TCF7L2: variants seen among roughly 807,000 people sequenced by gnomAD.
TCF7L2 encodes transcription factor 7 like 2.
A neutral mutation model predicts 77.9 loss-of-function variants in TCF7L2; 23 were observed. The observed-to-expected ratio is 0.30, with a 90% CI of 0.21 to 0.42. TCF7L2 has a LOEUF of 0.42. TCF7L2 is among the 10% of genes least tolerant of loss of function. TCF7L2 has a pLI of 1.00. For missense variants in TCF7L2, 654 were observed against 793.1 expected, an observed-to-expected ratio of 0.82 and a Z score of 2.11; for synonymous variants, 413 against 340.2, an observed-to-expected ratio of 1.21 and a Z score of -2.36.
At chr10:112,993,545 T>A (rs2042963750) in intron 4 of TCF7L2, among the ~76,000 whole-genome samples, 1 of 152,144 alleles carries the variant, frequency 6.6e-6, no homozygotes, top group Admixed American at 6.5e-5. Context: ...TGCCATGGGC[T>A]GTCTCCTGCT....
chr10:112,965,779 C>T (rs920375002), intron 4 of TCF7L2, among the ~76,000 whole-genome samples: 4 of 151,936 alleles, frequency 2.6e-5, no homozygotes, highest in Admixed American at 6.6e-5. Context: ...CCCAGGTAAA[C>T]GGAATTATTC....
At chr10:113,160,016 C>A (rs756174327) in intron 12 of TCF7L2, 24 bp downstream of exon 14, 3 of 1,610,960 alleles carry the variant, frequency 1.9e-6, no homozygotes, top group Admixed American at 1.7e-5. Flanking sequence ...TCCAGATTCG[C>A]TGTGCTGGTT....
chr10:113,036,122 CAT>C (rs768667068), intron 4 of TCF7L2, among the ~76,000 whole-genome samples: 24 of 36,064 alleles, frequency 6.7e-4, no homozygotes, highest in Admixed American at 1.0e-3. Context: ...TCACCATCAT[CAT>C]CATCATCATC....
chr10:113,131,276 C>A (rs1160051126), intron 5 of TCF7L2, among the ~76,000 whole-genome samples: 1 of 152,146 alleles, frequency 6.6e-6, no homozygotes, highest in Non-Finnish European at 1.5e-5. Flanking sequence ...GAATTAAATT[C>A]TGTGTGTCAA....
intron 4 of TCF7L2, among the ~76,000 whole-genome samples, chr10:112,992,676 TG>T (rs1215584751): frequency 6.6e-6 from 1 of 152,138 alleles, no homozygotes; most frequent in African/African-American, 2.4e-5. Flanking sequence ...GCTTTGGTTC[TG>T]GCCCCTGGAA....
chr10:113,137,519 G>A (rs1045027415), intron 5 of TCF7L2, among the ~76,000 whole-genome samples: 4 of 152,140 alleles, frequency 2.6e-5, no homozygotes, highest in Non-Finnish European at 4.4e-5. Flanking sequence ...ATGAAAACTC[G>A]GGTCTTCCTT....
chr10:113,090,351 A>C (rs1350420652), intron 5 of TCF7L2, among the ~76,000 whole-genome samples: 2 of 152,244 alleles, frequency 1.3e-5, no homozygotes, highest in African/African-American at 4.8e-5. Flanking sequence ...CTCTGTCTTT[A>C]AAAACATTTA....
chr10:113,149,301 A>G (rs996118134), intron 8 of TCF7L2, among the ~76,000 whole-genome samples: 4 of 152,190 alleles, frequency 2.6e-5, no homozygotes, highest in African/African-American at 9.7e-5. Context: ...TTGTTTCCTT[A>G]CATTTTCCTT....
intron 5 of TCF7L2, among the ~76,000 whole-genome samples, chr10:113,113,966 T>C (rs977756322): frequency 6.6e-6 from 1 of 152,222 alleles, no homozygotes; most frequent in African/African-American, 2.4e-5. Context: ...TGGGTTTCGT[T>C]GGACTATCAG....
At chr10:113,084,498 C>A (rs12571590) in intron 5 of TCF7L2, among the ~76,000 whole-genome samples, 1 of 152,160 alleles carries the variant, frequency 6.6e-6, no homozygotes, top group Non-Finnish European at 1.5e-5. Flanking sequence ...GAGGACCATC[C>A]GCCTTACTCA....
chr10:112,988,345 C>T (rs543983662), intron 4 of TCF7L2, among the ~76,000 whole-genome samples: 236 of 152,290 alleles, frequency 1.5e-3, no homozygotes, highest in Non-Finnish European at 2.4e-3. Context: ...GTGATCCACC[C>T]GCCTTAGCCT....
intron 5 of TCF7L2, among the ~76,000 whole-genome samples, chr10:113,051,224 C>CAT (rs1405051142): frequency 6.8e-6 from 1 of 146,754 alleles, no homozygotes; most frequent in Non-Finnish European, 1.5e-5. Context: ...CACACACACA[C>CAT]ACACACACAC....
chr10:113,156,751 G>A (rs576127620), intron 11 of TCF7L2, among the ~76,000 whole-genome samples: 1 of 152,186 alleles, frequency 6.6e-6, no homozygotes. Flanking sequence ...TCCTTGGAGG[G>A]CTGGGCATTA....
chr10:113,001,702 A>G (rs2133358670), intron 4 of TCF7L2, among the ~76,000 whole-genome samples: 1 of 152,170 alleles, frequency 6.6e-6, no homozygotes, highest in East Asian at 1.9e-4. Context: ...CAGCAAACCA[A>G]ACCAACTCAC....
intron 5 of TCF7L2, among the ~76,000 whole-genome samples, chr10:113,051,219 A>ACACG (rs1396964593): frequency 6.9e-6 from 1 of 145,798 alleles, no homozygotes; most frequent in East Asian, 1.9e-4. Context: ...ACACACACAC[A>ACACG]CACACACACA....
intron 4 of TCF7L2, among the ~76,000 whole-genome samples, chr10:113,013,787 C>G (rs915233801): frequency 1.3e-5 from 2 of 152,114 alleles, no homozygotes; most frequent in Non-Finnish European, 2.9e-5. Flanking sequence ...TGGGGTCCAT[C>G]TTTCTGAAAA....
intron 5 of TCF7L2, chr10:113,126,192 T>A (rs1247724463): frequency 6.6e-6 from 1 of 151,942 alleles, no homozygotes; most frequent in Non-Finnish European, 1.5e-5. Flanking sequence ...TTTTTAATGA[T>A]CTATATTGGT....
At chr10:113,140,490 C>T (rs1157231310) in intron 5 of TCF7L2, among the ~76,000 whole-genome samples, 2 of 152,104 alleles carry the variant, frequency 1.3e-5, no homozygotes, top group Non-Finnish European at 2.9e-5. Flanking sequence ...TTAGCGTTCC[C>T]GGATGACTTT....
chr10:113,094,843 G>A (rs866772138), intron 5 of TCF7L2, among the ~76,000 whole-genome samples: 1 of 152,320 alleles, frequency 6.6e-6, no homozygotes, highest in Middle Eastern at 3.4e-3. Context: ...TGTTGGCCGG[G>A]CACTGTGGCT....
Sources: gnomAD v4.1 joint callset for allele counts (sites outside exome capture counted in the v4.1 genomes callset) on GRCh38, gnomAD v4.1.1 for gene constraint, MANE v1.5 for transcripts, NCBI Gene and HGNC (gene_info 2026-07-23, HGNC 2026-07-21) for gene names.